CADPS2: variants seen among roughly 807,000 people sequenced by gnomAD.
CADPS2 encodes the protein calcium dependent secretion activator 2.
A neutral mutation model predicts 172.5 loss-of-function variants in CADPS2; 93 were observed. The ratio of observed to expected loss-of-function variants is 0.54; its 90% CI spans 0.46 to 0.64. The LOEUF (loss-of-function observed/expected upper bound fraction) is 0.64, where lower values mean the gene tolerates loss of function less well. CADPS2 is among the 30% of genes least tolerant of loss of function. The pLI is 0.00. For missense variants in CADPS2, 1,420 were observed against 1,565.9 expected (o/e 0.91, Z 1.57); for synonymous variants, 546 against 555.2 (o/e 0.98, Z 0.23).
intron 2 of CADPS2, among the ~76,000 whole-genome samples, chr7:122,670,712 G>A (rs2081739633): frequency 6.6e-6 from 1 of 151,472 alleles, no homozygotes; most frequent in Non-Finnish European, 1.5e-5. Flanking sequence ...TGTTGATCAG[G>A]CTGGTCTCGA....
chr7:122,878,378 C>A (rs1236493551), intron 1 of CADPS2, among the ~76,000 whole-genome samples: 1 of 151,026 alleles, frequency 6.6e-6, no homozygotes, highest in Non-Finnish European at 1.5e-5. Flanking sequence ...GTCGGCCGGG[C>A]GCGGTGGCTC....
At chr7:122,617,741 C>G (rs147047273) in intron 5 of CADPS2, among the ~76,000 whole-genome samples, 1 of 152,164 alleles carries the variant, frequency 6.6e-6, no homozygotes, top group African/African-American at 2.4e-5. Context: ...TGAAAGAATT[C>G]AGTCTAAAAA....
chr7:122,780,827 G>A (rs1209434749), intron 1 of CADPS2, among the ~76,000 whole-genome samples: 1 of 152,088 alleles, frequency 6.6e-6, no homozygotes, highest in Non-Finnish European at 1.5e-5. Context: ...GCTGCACCAC[G>A]ATTTACACTC....
At chr7:122,489,101 C>T (rs73717655) in intron 11 of CADPS2, among the ~76,000 whole-genome samples, 6,121 of 152,104 alleles carry the variant, frequency 0.04, 210 homozygotes, top group African/African-American at 0.092. Flanking sequence ...GTTTTCACTA[C>T]ATATAAAAGA....
chr7:122,322,542 A>G (rs767594677), intron 29 of CADPS2, among the ~76,000 whole-genome samples: 3 of 152,166 alleles, frequency 2.0e-5, no homozygotes, highest in Non-Finnish European at 2.9e-5. Context: ...AGTTCTGTTC[A>G]CTTTTTCTCT....
intron 3 of CADPS2, among the ~76,000 whole-genome samples, chr7:122,654,453 A>T (rs2079517276): frequency 6.6e-6 from 1 of 152,212 alleles, no homozygotes; most frequent in African/African-American, 2.4e-5. Flanking sequence ...TTTAGGTTGA[A>T]GCTAATGCTC....
intron 2 of CADPS2, among the ~76,000 whole-genome samples, chr7:122,705,567 T>C (rs1160128562): frequency 1.9e-5 from 2 of 104,424 alleles, no homozygotes; most frequent in African/African-American, 7.6e-5. Context: ...ATATTATATA[T>C]TATCTATATT....
chr7:122,322,236 T>A (rs909098939), intron 29 of CADPS2, among the ~76,000 whole-genome samples: 1 of 152,246 alleles, frequency 6.6e-6, no homozygotes, highest in Non-Finnish European at 1.5e-5. Context: ...TGAGTTCAAC[T>A]TTCTTATTTT....
intron 2 of CADPS2, chr7:122,701,893 G>A (rs368632624): frequency 1.2e-5 from 20 of 1,613,354 alleles, no homozygotes; most frequent in Non-Finnish European, 1.7e-5. Context: ...AAAGCCAGGG[G>A]TCAATGCATG....
At chr7:122,334,384 T>G (rs1159694363) in intron 28 of CADPS2, among the ~76,000 whole-genome samples, 1 of 152,228 alleles carries the variant, frequency 6.6e-6, no homozygotes, top group Non-Finnish European at 1.5e-5. Flanking sequence ...ATGTGCTGCC[T>G]GTGCATTTTC....
chr7:122,684,436 C>CAT (rs34176184), intron 2 of CADPS2, among the ~76,000 whole-genome samples: 27,079 of 151,090 alleles, frequency 0.18, 2,896 homozygotes, highest in East Asian at 0.28. Context: ...TTGTAGTAAG[C>CAT]ATATATATAT....
At chr7:122,534,075 T>C (rs556119755) in intron 8 of CADPS2, among the ~76,000 whole-genome samples, 1 of 152,142 alleles carries the variant, frequency 6.6e-6, no homozygotes, top group Non-Finnish European at 1.5e-5. Context: ...TTATATAATA[T>C]TCACATCTCC....
intron 6 of CADPS2, among the ~76,000 whole-genome samples, chr7:122,590,106 C>A (rs143333315): frequency 4.2e-3 from 645 of 151,782 alleles, no homozygotes; most frequent in Non-Finnish European, 5.7e-3. Flanking sequence ...GAAAATCTAC[C>A]CTAAAATTCA....
intron 9 of CADPS2, among the ~76,000 whole-genome samples, chr7:122,510,220 G>A (rs994402802): frequency 5.3e-5 from 8 of 151,728 alleles, no homozygotes; most frequent in African/African-American, 1.5e-4. Context: ...CATATTCTTC[G>A]AAATCACTGT....
chr7:122,824,689 T>C (rs1804382280), intron 1 of CADPS2, among the ~76,000 whole-genome samples: 1 of 152,238 alleles, frequency 6.6e-6, no homozygotes, highest in Non-Finnish European at 1.5e-5. Context: ...ATTTTAATCC[T>C]GCTTATGAGG....
chr7:122,362,509 A>T (rs1294614685), intron 25 of CADPS2, among the ~76,000 whole-genome samples: 1 of 152,240 alleles, frequency 6.6e-6, no homozygotes, highest in Non-Finnish European at 1.5e-5. Context: ...AAAAAAACAC[A>T]TACACTATAA....
intron 13 of CADPS2, 51 bp from the exon 14 acceptor site, chr7:122,471,613 G>A (rs775488538): frequency 1.0e-5 from 15 of 1,465,392 alleles, no homozygotes; most frequent in East Asian, 5.1e-5. Context: ...TCTATACTAC[G>A]ATTTGCTTTC....
intron 6 of CADPS2, among the ~76,000 whole-genome samples, chr7:122,597,191 T>C (rs2071950490): frequency 6.6e-6 from 1 of 152,086 alleles, no homozygotes. Flanking sequence ...GGGGGTCAAA[T>C]ATCCAAACTA....
intron 1 of CADPS2, among the ~76,000 whole-genome samples, chr7:122,836,027 G>C (rs1292301039): frequency 2.6e-5 from 4 of 152,198 alleles, no homozygotes; most frequent in Non-Finnish European, 4.4e-5. Context: ...GGCAGCCAGA[G>C]AGAAAGGTCG....
Sources: gnomAD v4.1 joint callset for allele counts (sites outside exome capture counted in the v4.1 genomes callset) on GRCh38, gnomAD v4.1.1 for gene constraint, MANE v1.5 for transcripts, NCBI Gene and HGNC (gene_info 2026-07-23, HGNC 2026-07-21) for gene names.